The following FRAS1 variants were observed in gnomAD, a reference collection of about 807,000 sequenced individuals.
The protein encoded by FRAS1 is Fraser extracellular matrix complex subunit 1.
In FRAS1, 290 loss-of-function variants were observed where a neutral mutation model predicts 435.2. That is an observed-to-expected ratio of 0.67 (90% CI 0.61 to 0.73). FRAS1 has a LOEUF of 0.73. Among genes scored for constraint, FRAS1 ranks in the 30% least tolerant of loss-of-function variants. FRAS1 has a pLI of 0.00. For missense variants in FRAS1, 4,860 were observed against 5,001.5 expected (o/e 0.97, Z 0.85); for synonymous variants, 1,800 against 1,851.0 (o/e 0.97, Z 0.71).
intron 3 of FRAS1, among the ~76,000 whole-genome samples, chr4:78,242,408 A>G (rs936677990): frequency 6.6e-6 from 1 of 152,204 alleles, no homozygotes; most frequent in Non-Finnish European, 1.5e-5. Flanking sequence ...ATGTGGCACA[A>G]GTTCATGAAT....
chr4:78,167,757 G>A (rs1332582272), intron 2 of FRAS1, among the ~76,000 whole-genome samples: 1 of 151,996 alleles, frequency 6.6e-6, no homozygotes, highest in Non-Finnish European at 1.5e-5. Flanking sequence ...CCAGCGATCT[G>A]AACCTATGCT....
chr4:78,464,579 C>G lies in FRAS1; in HGVS notation c.7025C>G (p.Thr2342Arg). 1 of 1,613,678 alleles carries G rather than the reference C, an allele frequency of 6.2e-7. No homozygotes were observed. The highest frequency in any genetic ancestry group is 8.5e-7 in the Non-Finnish European group (1 of 1,179,786). ...EFELKAVDAD[T>R]EAESVTFTIV... is the part of the protein sequence containing the mutation. ...GAGCTTAAGGCGGTGGATGCTGACA[C>G]AGAGGTAAGAGCACTTCTTCCCATG... The change falls in exon 49 of 74, where the codon ACA becomes AGA. Residue 2342 changes from threonine to arginine, a missense_variant. Physicochemically the swap from Thr to Arg is moderately conservative, Grantham distance 71. Transcript: ENST00000512123.
chr4:78,065,890 G>A, intron 1 of FRAS1, 95 bp from the exon 2 acceptor site: 1 of 850,402 alleles, frequency 1.2e-6, no homozygotes, highest in Non-Finnish European at 1.9e-6. Context: ...TGGTTATGAT[G>A]CATATAGATG....
intron 61 of FRAS1, among the ~76,000 whole-genome samples, chr4:78,504,317 G>A (rs1311368266): frequency 6.6e-6 from 1 of 152,164 alleles, no homozygotes; most frequent in African/African-American, 2.4e-5. Flanking sequence ...ACTGACAGTG[G>A]AGTGTTAAAG....
intron 30 of FRAS1, among the ~76,000 whole-genome samples, chr4:78,401,108 A>T (rs894162498): frequency 6.6e-6 from 1 of 152,234 alleles, no homozygotes; most frequent in Non-Finnish European, 1.5e-5. Flanking sequence ...GTAACACCTA[A>T]AATTTAAGTT....
intron 2 of FRAS1, among the ~76,000 whole-genome samples, chr4:78,114,668 AC>A (rs1212745930): frequency 1.4e-3 from 207 of 152,308 alleles, no homozygotes; most frequent in African/African-American, 4.9e-3. Context: ...TGATTTTTGC[AC>A]ATTGATTTTG....
intron 32 of FRAS1, among the ~76,000 whole-genome samples, chr4:78,418,521 G>A (rs1003297685): frequency 6.6e-5 from 10 of 152,322 alleles, no homozygotes; most frequent in African/African-American, 2.4e-4. Flanking sequence ...ACTCCAGCCT[G>A]TGACAGAGCC....
chr4:78,375,608 A>T (rs1731727397), intron 25 of FRAS1, 131 bp from the exon 26 acceptor site: 1 of 694,912 alleles, frequency 1.4e-6, no homozygotes, highest in African/African-American at 1.8e-5. Flanking sequence ...GGAAACTGTC[A>T]GTATTCTCTT....
At chr4:78,125,635 C>T (rs780434356) in intron 2 of FRAS1, among the ~76,000 whole-genome samples, 7 of 152,188 alleles carry the variant, frequency 4.6e-5, no homozygotes, top group Non-Finnish European at 1.0e-4. Flanking sequence ...AGACAGGCCC[C>T]TCAGCTGCAG....
At chr4:78,212,525 G>A (rs1325644747) in intron 2 of FRAS1, among the ~76,000 whole-genome samples, 2 of 152,164 alleles carry the variant, frequency 1.3e-5, no homozygotes, top group Non-Finnish European at 2.9e-5. Context: ...ATTAGGATTT[G>A]GGAGCAAACC....
chr4:78,415,613 G>C (rs1180654932), intron 32 of FRAS1, among the ~76,000 whole-genome samples: 1 of 152,188 alleles, frequency 6.6e-6, no homozygotes, highest in East Asian at 1.9e-4. Context: ...AGACATGGGA[G>C]AACACGACAT....
At chr4:78,272,314 A>G (rs1212372608) in intron 9 of FRAS1, among the ~76,000 whole-genome samples, 1 of 152,174 alleles carries the variant, frequency 6.6e-6, no homozygotes, top group Non-Finnish European at 1.5e-5. Context: ...TCTTTAGTTT[A>G]ATGAGATCCC....
intron 69 of FRAS1, among the ~76,000 whole-genome samples, chr4:78,524,967 A>G (rs1028634229): frequency 6.6e-6 from 1 of 152,176 alleles, no homozygotes; most frequent in Non-Finnish European, 1.5e-5. Context: ...ATGCAGAAAC[A>G]TGGGAAACAG....
At chr4:78,312,676 A>T (rs1031716576) in intron 15 of FRAS1, among the ~76,000 whole-genome samples, 9 of 152,056 alleles carry the variant, frequency 5.9e-5, no homozygotes, top group East Asian at 1.9e-4. Context: ...AAAATAAAAA[A>T]AAAAAATTAG....
In FRAS1 at chr4:78,333,432, A is replaced by T; in HGVS notation, c.2278+20A>T. ...GCACAGGTGAGTATGTAATGTGCTGAGGCACATTGCCTATGACCATGTTTT... is the reference window on the plus strand; with the variant it reads ...GCACAGGTGAGTATGTAATGTGCTGTGGCACATTGCCTATGACCATGTTTT... On this transcript the variant is annotated intron_variant, in intron 19 of 73. Transcript: ENST00000512123. 6.2e-7 allele frequency: 1 copy of T among 1,603,852 alleles called. No homozygotes were observed. The highest frequency in any genetic ancestry group is 8.5e-7 in the Non-Finnish European group (1 of 1,174,634).
At chr4:78,339,422 A>C (rs1002950893) in intron 20 of FRAS1, among the ~76,000 whole-genome samples, 1 of 152,244 alleles carries the variant, frequency 6.6e-6, no homozygotes, top group Non-Finnish European at 1.5e-5. Context: ...TGTAGTTAAC[A>C]AATGGTACAA....
rs189559962 is a variant in FRAS1 at position 78,433,161 on chromosome 4, A to T, written c.5217+557A>T. On this transcript the variant is annotated intron_variant, in intron 38 of 73. Coordinates refer to ENST00000512123, the MANE Select transcript of FRAS1 (RefSeq NM_025074.7). The stretch of plus-strand genomic sequence containing the variant: ...AAGCAGTGTAATTAGGAGGCCAAGG[A>T]GAGGATCAAGGACTAGAGTTTGTTT... Among the ~76,000 whole-genome samples the T allele has an allele frequency of 3.3e-4, 50 of 152,312 alleles. No individual in the cohort carries two copies. In the East Asian group the frequency reaches 7.9e-3, roughly 24 times the overall value.
At chr4:78,164,679 T>A (rs1721267700) in intron 2 of FRAS1, among the ~76,000 whole-genome samples, 1 of 152,192 alleles carries the variant, frequency 6.6e-6, no homozygotes, top group African/African-American at 2.4e-5. Flanking sequence ...AATGGGGTTG[T>A]ACTTAGATAT....
Position 78,472,231 on chromosome 4 carries a change from G to A in FRAS1, c.7423G>A (p.Glu2475Lys), listed in dbSNP as rs775728583. The A allele has an allele frequency of 1.4e-5, 23 of 1,613,764 alleles. No individual in the cohort carries two copies. The highest frequency in any genetic ancestry group is 2.2e-5 in the East Asian group (1 of 44,886). ...KELLTMDPDT[E>K]DAQLVYEITT... is the part of the protein sequence containing the mutation. ...ACTGCTGACCATGGACCCAGACACC[G>A]AGGACGCGCAGCTTGTCTATGAGAT... The change falls in exon 52 of 74, where the codon GAG becomes AAG. Residue 2475 changes from glutamate (E) to lysine (K), a missense_variant. Glu to Lys is a moderately conservative substitution (Grantham distance 56). Transcript: ENST00000512123.
Sources: allele counts gnomAD v4.1 joint callset (sites outside exome capture counted in the v4.1 genomes callset), GRCh38; gene constraint gnomAD v4.1.1; transcripts MANE v1.5; gene names NCBI Gene and HGNC (gene_info 2026-07-23, HGNC 2026-07-21).